The following ANLN variants were observed in gnomAD, a reference collection of about 807,000 sequenced individuals.
ANLN encodes anillin.
ANLN carries 59 observed loss-of-function variants against 135.1 expected under a neutral mutation model. The ratio of observed to expected loss-of-function variants is 0.44; its 90% CI spans 0.35 to 0.54. The LOEUF (loss-of-function observed/expected upper bound fraction) is 0.54, where lower values mean the gene tolerates loss of function less well. Ranked by LOEUF, ANLN falls within the 20% of genes least tolerant of loss-of-function variation. The pLI, the probability that ANLN is intolerant of heterozygous loss-of-function variation, is 0.00. For missense variants in ANLN, 1,182 were observed against 1,340.0 expected (o/e 0.88, Z 1.84); for synonymous variants, 406 against 456.4 (o/e 0.89, Z 1.41).
At chr7:36,412,768 T>C (rs1787477593) in intron 7 of ANLN, among the ~76,000 whole-genome samples, 1 of 152,196 alleles carries the variant, frequency 6.6e-6, no homozygotes, top group African/African-American at 2.4e-5. Flanking sequence ...TCCTCCCCAC[T>C]GCTCCTCCAC....
In ANLN at chr7:36,421,843, A is replaced by G. The variant is rs1234234992; in HGVS notation, c.2164-14A>G. On this transcript the variant is annotated splice_polypyrimidine_tract_variant and intron_variant, in intron 12 of 23. Coordinates refer to ENST00000265748, the MANE Select transcript of ANLN (RefSeq NM_018685.5). ...AAATGTGTATATTTTTTCTCCTCTC[A>G]TTGGTTTTCCTAGGAACTCAATAAC... 1.9e-6 allele frequency: 3 copies of G among 1,588,318 alleles called. No homozygotes were observed. Among genetic ancestry groups the G allele is most frequent in the African/African-American group, 2.7e-5 (2 of 73,534 alleles).
In ANLN at chr7:36,449,733, T is replaced by G. The variant is rs751876850; in HGVS notation, c.3147T>G (p.Phe1049Leu). The part of the protein sequence containing the change: ...SRQIEPANRE[F>L]CARRNTFELI... Reference sequence around the variant, plus strand: ...AGATAGAACCAGCCAACAGAGAATTTTGTGCAAGACGCAACACTTTTGAAT... The same window carrying G: ...AGATAGAACCAGCCAACAGAGAATTGTGTGCAAGACGCAACACTTTTGAAT... Residue 1049 changes from phenylalanine to leucine, a missense_variant, in exon 23 of 24, where the codon TTT becomes TTG. Around this residue, in one of 3 missense-constraint regions of ANLN, gnomAD observed 82 missense variants for 133.3 expected, o/e 0.62. Coordinates refer to ENST00000265748, the MANE Select transcript of ANLN (RefSeq NM_018685.5). 1.9e-6 allele frequency: 3 copies of G among 1,614,016 alleles called. No individual in the cohort carries two copies. The highest frequency in any genetic ancestry group is 2.5e-6 in the Non-Finnish European group (3 of 1,180,002).
chr7:36,426,462 A>G (rs1788081605), intron 19 of ANLN, among the ~76,000 whole-genome samples: 1 of 152,118 alleles, frequency 6.6e-6, no homozygotes, highest in African/African-American at 2.4e-5. Context: ...CTTCTTTAGA[A>G]TGACTTTAGG....
intron 7 of ANLN, among the ~76,000 whole-genome samples, chr7:36,411,485 T>G (rs910725787): frequency 1.3e-5 from 2 of 152,228 alleles, no homozygotes; most frequent in Non-Finnish European, 2.9e-5. Context: ...TTCGAGAGTC[T>G]ACTTTTCTCA....
In ANLN at chr7:36,417,085, ACT is replaced by A; in HGVS notation, c.1529_1530del (p.Thr510ArgfsTer8). ...KNSSTEPKGFTECEMTKSSPL... is the reference protein window; with the variant it reads ...KNSSTEPKGFXECEMTKSSPL... ...TCTTTCTTAAACATTTTTAGGTTTC[ACT>A]GAATGCGAAATGACGAAATCTAGCC... is the stretch of plus-strand genomic sequence containing the variant. On this transcript the variant is annotated frameshift_variant, in exon 9 of 24. Transcript: ENST00000265748. LOFTEE classifies it high-confidence loss of function. The A allele has an allele frequency of 6.3e-7, 1 of 1,582,072 alleles. No homozygotes were observed. Among genetic ancestry groups the A allele is most frequent in the Non-Finnish European group, 8.6e-7 (1 of 1,159,092 alleles).
chr7:36,436,977 A>AT (rs922267084), intron 20 of ANLN, among the ~76,000 whole-genome samples: 3 of 152,020 alleles, frequency 2.0e-5, no homozygotes, highest in Non-Finnish European at 4.4e-5. Context: ...AAGGTCTATA[A>AT]TTTTTTTTAT....
At chr7:36,428,299 T>C in intron 20 of ANLN, 1 of 1,261,306 alleles carries the variant, frequency 7.9e-7, no homozygotes. Flanking sequence ...TTATTTTGTC[T>C]GTTTTAGATA....
chr7:36,413,848 G>T (rs1787527962), intron 7 of ANLN, among the ~76,000 whole-genome samples: 1 of 152,068 alleles, frequency 6.6e-6, no homozygotes, highest in Non-Finnish European at 1.5e-5. Context: ...AAAAAAATTA[G>T]CCAGGCCTGG....
chr7:36,400,368 C>A (rs1487266354), intron 3 of ANLN, among the ~76,000 whole-genome samples: 7 of 151,216 alleles, frequency 4.6e-5, no homozygotes, highest in Admixed American at 4.6e-4. Flanking sequence ...TTTTTCTTTT[C>A]TTTTTTTTTG....
At chr7:36,423,201 G>A (rs1787951107) in intron 14 of ANLN, among the ~76,000 whole-genome samples, 1 of 152,056 alleles carries the variant, frequency 6.6e-6, no homozygotes, top group Non-Finnish European at 1.5e-5. Context: ...GGGAAGGAGG[G>A]CTAGACATAG....
intron 1 of ANLN, among the ~76,000 whole-genome samples, chr7:36,392,421 ATG>A (rs2116481981): frequency 6.6e-6 from 1 of 150,740 alleles, no homozygotes; most frequent in Admixed American, 6.6e-5. Flanking sequence ...TTTGGGGTGT[ATG>A]TGGCAAAAGT....
chr7:36,421,772 A>C, intron 12 of ANLN, 85 bp from the exon 13 acceptor site: 1 of 1,293,612 alleles, frequency 7.7e-7, no homozygotes, highest in Non-Finnish European at 1.1e-6. Flanking sequence ...GAAACTATCC[A>C]ATCAAGTTAG....
In ANLN at chr7:36,424,476, GT is replaced by G. The variant is rs1788001039; in HGVS notation, c.2604-68del. 4 of 1,258,048 alleles carry G rather than the reference GT, an allele frequency of 3.2e-6. No homozygotes were observed. The African/African-American group carries it at 4.5e-5, about 14-fold the overall frequency. The allele number at this position is 1,258,048 out of a possible 1,614,324, so 77.9% of individuals were successfully genotyped here. A position where few individuals can be genotyped will look rare whatever the true frequency, so the allele number is the denominator to read the frequency against. ...TACTTAGAGTCTTGTAAGAGTATTT[GT>G]AGCATCATTTTTAATGGTGTGATTG... On this transcript the variant is annotated intron_variant, in intron 15 of 23. Transcript: ENST00000265748.
chr7:36,419,692 C>A (rs1355164737), intron 10 of ANLN, among the ~76,000 whole-genome samples: 1 of 152,124 alleles, frequency 6.6e-6, no homozygotes, highest in Non-Finnish European at 1.5e-5. Context: ...GCTTAAAAGG[C>A]CAGGCATTTG....
At position 36,411,139 on chromosome 7, in the gene ANLN, A is replaced by T; in HGVS notation, c.1368A>T (p.Ser456=). ...NIWSAEKGGN[S]KSKQLETKQE... ...GGAGTGCAGAAAAAGGCGGAAACTCAAAAAGCAAACAACTAGAAACCAAAC... is the reference window on the plus strand; with the variant it reads ...GGAGTGCAGAAAAAGGCGGAAACTCTAAAAGCAAACAACTAGAAACCAAAC... Residue 456 remains serine, a synonymous_variant, in exon 7 of 24, where the codon TCA becomes TCT. Coordinates refer to ENST00000265748, the MANE Select transcript of ANLN (RefSeq NM_018685.5). 1.9e-6 allele frequency: 3 copies of T among 1,607,806 alleles called. No homozygotes were observed. In the East Asian group the frequency reaches 6.7e-5, roughly 36 times the overall value.
At chr7:36,443,941 C>A in intron 22 of ANLN, 79 bp downstream of exon 22, 2 of 934,520 alleles carry the variant, frequency 2.1e-6, no homozygotes, top group Non-Finnish European at 3.2e-6. Context: ...TCCCTCTGGC[C>A]CCCATCACTC....
intron 7 of ANLN, among the ~76,000 whole-genome samples, chr7:36,412,331 T>A (rs867726903): frequency 0.046 from 4,227 of 92,554 alleles, 53 homozygotes; most frequent in African/African-American, 0.064. Context: ...ATATATATTT[T>A]TTTTTTTTTT....
At chr7:36,390,830 T>C (rs1230572564) in intron 1 of ANLN, among the ~76,000 whole-genome samples, 6 of 123,858 alleles carry the variant, frequency 4.8e-5, no homozygotes, top group Non-Finnish European at 7.2e-5. Context: ...TTGTGGAGAA[T>C]GTGCGTTGTC....
rs1234191290 is a variant in ANLN, at chr7:36,407,864, A to C, written c.1004A>C (p.Lys335Thr). The change falls in exon 5 of 24, where the codon AAG becomes ACG. Residue 335 changes from lysine (K) to threonine (T), a missense_variant. This residue lies in a region of ANLN where 1,022 missense variants were observed against 1,134.0 expected (regional missense o/e 0.90). Coordinates refer to ENST00000265748, the MANE Select transcript of ANLN (RefSeq NM_018685.5). ...ACGGGGGTATCGAAACCAATTGTGA[A>C]GTCAACTTTATCCCAGACAGTTCCA... The part of the protein sequence containing the change: ...LKTGVSKPIV[K>T]STLSQTVPSK... 3.7e-6 allele frequency: 6 copies of C among 1,613,944 alleles called. No individual in the cohort carries two copies. Among genetic ancestry groups the C allele is most frequent in the Non-Finnish European group, 5.1e-6 (6 of 1,179,870 alleles).
Sources: allele counts gnomAD v4.1 joint callset (sites outside exome capture counted in the v4.1 genomes callset), GRCh38; gene constraint gnomAD v4.1.1; regional missense constraint gnomAD v4.1.1; transcripts MANE v1.5; gene names NCBI Gene and HGNC (gene_info 2026-07-23, HGNC 2026-07-21).